Variants in SLC13A4 observed in about 807,000 individuals in gnomAD.
SLC13A4 encodes the protein Na(+)/sulfate cotransporter SUT-1.
Under a neutral mutation model 72.7 loss-of-function variants are expected in SLC13A4, and 28 were observed. The observed-to-expected ratio is 0.39, with a 90% confidence interval of 0.29 to 0.53. The LOEUF (loss-of-function observed/expected upper bound fraction) is 0.53, where lower values mean the gene tolerates loss of function less well. Among genes scored for constraint, SLC13A4 ranks in the 20% least tolerant of loss-of-function variants. The pLI, the probability that SLC13A4 is intolerant of heterozygous loss-of-function variation, is 0.78. For missense variants in SLC13A4, 653 were observed against 788.0 expected (o/e 0.83, Z 2.05); for synonymous variants, 312 against 325.5 (o/e 0.96, Z 0.45).
intron 2 of SLC13A4, among the ~76,000 whole-genome samples, chr7:135,714,821 G>T (rs1031533689): frequency 1.3e-5 from 2 of 152,242 alleles, no homozygotes; most frequent in Non-Finnish European, 2.9e-5. Context: ...GCACCAGGCG[G>T]CAGCGGCTGC....
intron 2 of SLC13A4, among the ~76,000 whole-genome samples, chr7:135,714,953 AGT>A (rs1307809089): frequency 6.6e-6 from 1 of 151,294 alleles, no homozygotes; most frequent in Admixed American, 6.6e-5. Flanking sequence ...CCCAGGTGAG[AGT>A]GTGTGTGAGT....
intron 2 of SLC13A4, among the ~76,000 whole-genome samples, chr7:135,718,674 T>A (rs1796481489): frequency 6.6e-6 from 1 of 152,110 alleles, no homozygotes; most frequent in South Asian, 2.1e-4. Flanking sequence ...TGAGTAGGAC[T>A]TTAAAGGTCA....
chr7:135,714,047 T>TG (rs1796362578), intron 2 of SLC13A4, among the ~76,000 whole-genome samples: 1 of 152,192 alleles, frequency 6.6e-6, no homozygotes, highest in Non-Finnish European at 1.5e-5. Flanking sequence ...CCACCTTCCC[T>TG]GGGGGCAGGA....
intron 2 of SLC13A4, among the ~76,000 whole-genome samples, chr7:135,718,362 C>T (rs73160747): frequency 0.045 from 6,840 of 152,220 alleles, 193 homozygotes; most frequent in South Asian, 0.085. Context: ...ATCCTATTCA[C>T]GTGCCTTCCT....
intron 4 of SLC13A4, 167 bp from the exon 5 acceptor site, chr7:135,705,817 GC>G: frequency 3.1e-6 from 2 of 649,568 alleles, no homozygotes; most frequent in Admixed American, 2.5e-5. Context: ...ATGCAGACTG[GC>G]CCCAGGGTTT....
At chr7:135,691,168 A>G (rs992425806) in intron 13 of SLC13A4, 33 bp downstream of exon 13, 14 of 1,573,712 alleles carry the variant, frequency 8.9e-6, no homozygotes, top group African/African-American at 1.4e-5. Flanking sequence ...TCTCAAAAAA[A>G]AAAACCCCAA....
At chr7:135,714,991 TGTGTATATGTGA>T (rs939409867) in intron 2 of SLC13A4, among the ~76,000 whole-genome samples, 37 of 102,762 alleles carry the variant, frequency 3.6e-4, no homozygotes, top group African/African-American at 1.1e-3. Flanking sequence ...TGTGTATGTG[TGTGTATATGTGA>T]GTGTGTATTT....
rs186577363 is a variant in SLC13A4, at chr7:135,697,008, G to C, written c.900-1521C>G. Among the ~76,000 whole-genome samples the C allele has an allele frequency of 5.3e-5, 8 of 152,198 alleles. No homozygotes were observed. The East Asian group carries it at 5.8e-4, about 11-fold the overall frequency. ...TGTGAGCTTAATATTTATGTCCTCT[G>C]TTCTCCTTACCCTGTATATTCTAGG... is the stretch of plus-strand genomic sequence containing the variant. On this transcript the variant is annotated intron_variant, in intron 8 of 15. Coordinates refer to ENST00000682651, the MANE Select transcript of SLC13A4 (RefSeq NM_001318192.2).
chr7:135,682,381 G>T (rs964791696), intron 15 of SLC13A4, among the ~76,000 whole-genome samples: 4 of 152,236 alleles, frequency 2.6e-5, no homozygotes, highest in African/African-American at 7.2e-5. Flanking sequence ...GAGCCAGATG[G>T]AAAAATGTGT....
intron 1 of SLC13A4, among the ~76,000 whole-genome samples, chr7:135,721,996 T>A (rs1487282320): frequency 2.6e-5 from 4 of 152,194 alleles, no homozygotes; most frequent in Admixed American, 2.6e-4. Context: ...ATCCCAGGAC[T>A]TTGGGAGGCC....
chr7:135,691,383 C>T (rs111513340), intron 12 of SLC13A4, 58 bp from the exon 13 acceptor site: 1 of 1,588,858 alleles, frequency 6.3e-7, no homozygotes, highest in African/African-American at 1.5e-5. Context: ...TTTGTGGAGA[C>T]AGGAGCCTAA....
intron 2 of SLC13A4, 78 bp from the exon 3 acceptor site, chr7:135,708,328 A>G (rs1170520114): frequency 6.3e-7 from 1 of 1,580,114 alleles, no homozygotes; most frequent in Admixed American, 1.8e-5. Flanking sequence ...AGAATGGGCC[A>G]TACCCAATAA....
chr7:135,721,235 C>G (rs1796540786), intron 2 of SLC13A4, among the ~76,000 whole-genome samples, 160 bp downstream of exon 2: 1 of 152,164 alleles, frequency 6.6e-6, no homozygotes, highest in South Asian at 2.1e-4. Flanking sequence ...AATTCAGGGT[C>G]TAGAACTGCA....
At chr7:135,695,574 C>T (rs1211894629) in intron 8 of SLC13A4, 87 bp from the exon 9 acceptor site, 2 of 1,447,848 alleles carry the variant, frequency 1.4e-6, no homozygotes, top group South Asian at 1.3e-5. Flanking sequence ...CTCCCTAAAA[C>T]ATACAGCTGG....
intron 1 of SLC13A4, among the ~76,000 whole-genome samples, chr7:135,722,267 A>AACAC: frequency 6.6e-6 from 1 of 151,680 alleles, no homozygotes; most frequent in Non-Finnish European, 1.5e-5. Context: ...AAAACAAGCA[A>AACAC]ACAAACAAAA....
At chr7:135,698,783 C>CACCA (rs1795963192) in intron 8 of SLC13A4, among the ~76,000 whole-genome samples, 1 of 151,488 alleles carries the variant, frequency 6.6e-6, no homozygotes. Flanking sequence ...TACAGGTGTG[C>CACCA]ACCACCACAC....
At position 135,701,689 on chromosome 7, in the gene SLC13A4, G is replaced by A; in HGVS notation, c.705C>T (p.His235=). The A allele has an allele frequency of 6.2e-7, 1 of 1,613,654 alleles. No homozygotes were observed. Among genetic ancestry groups the A allele is most frequent in the Non-Finnish European group, 8.5e-7 (1 of 1,179,728 alleles). Residue 235 remains histidine (H), a synonymous_variant, in exon 7 of 16, where the codon CAC becomes CAT. Transcript: ENST00000682651. ...TANQHQGKKQ[H]PSQEKPQVLT... Reference sequence around the variant, plus strand: ...GGGGCCGTTCTATTACCTGGGATGGGTGTTGCTTCTTGCCCTGGTGTTGGT... The same window carrying A: ...GGGGCCGTTCTATTACCTGGGATGGATGTTGCTTCTTGCCCTGGTGTTGGT...
rs534277299 is a variant in SLC13A4, at chr7:135,682,181, T to C, written c.1747-481A>G. 9.3e-4 allele frequency among the ~76,000 whole-genome samples: 142 copies of C among 152,198 alleles called. 4 individuals are homozygous for C. The highest frequency in any genetic ancestry group is 1.9e-4 in the Non-Finnish European group (13 of 68,034). ...TGGAAATAGTGTACCTTGAGTTCAC[T>C]TGGGGAAACGGTTTAGCTGCCTCTG... On this transcript the variant is annotated intron_variant, in intron 15 of 15. Transcript: ENST00000682651.
intron 2 of SLC13A4, among the ~76,000 whole-genome samples, chr7:135,709,096 A>AT (rs527801909): frequency 0.01 from 1,518 of 151,086 alleles, 20 homozygotes; most frequent in African/African-American, 0.034. Flanking sequence ...TGCCTGGCTA[A>AT]TTTTTTTTGT....
Sources: allele counts gnomAD v4.1 joint callset (sites outside exome capture counted in the v4.1 genomes callset), GRCh38; gene constraint gnomAD v4.1.1; transcripts MANE v1.5; gene names NCBI Gene and HGNC (gene_info 2026-07-23, HGNC 2026-07-21).